Variants in NLRP2 observed in about 807,000 individuals in gnomAD.
NLRP2 encodes the protein NACHT, LRR and PYD domains-containing protein 2.
Under a neutral mutation model 97.2 loss-of-function variants are expected in NLRP2, and 107 were observed. That is an observed-to-expected ratio of 1.10 (90% CI 0.94 to 1.29). NLRP2 has a LOEUF of 1.29. Ranked by LOEUF, NLRP2 falls within the 50% of genes most tolerant of loss-of-function variation. The pLI, the probability that NLRP2 is intolerant of heterozygous loss-of-function variation, is 0.00. For synonymous variants in NLRP2, 663 were observed against 551.5 expected (o/e 1.20, Z -2.83); for missense variants, 1,495 against 1,330.3 (o/e 1.12, Z -1.93).
At chr19:54,993,784 G>A (rs918551686) in intron 10 of NLRP2, 6 of 256,592 alleles carry the variant, frequency 2.3e-5, no homozygotes, top group African/African-American at 8.9e-5. Context: ...CACAAGAATC[G>A]CGTGAAACCA....
intron 10 of NLRP2, chr19:54,993,216 C>CA (rs72154233): frequency 0.41 from 45,254 of 111,444 alleles, 8,306 homozygotes; most frequent in East Asian, 0.52. Flanking sequence ...GAGACTGTCT[C>CA]AAAAAAAAAA....
intron 2 of NLRP2, among the ~76,000 whole-genome samples, chr19:54,972,500 G>A (rs1024176117): frequency 2.0e-5 from 3 of 151,888 alleles, no homozygotes; most frequent in Admixed American, 6.6e-5. Flanking sequence ...TTTGAAACGG[G>A]GTCTCGTTTT....
chr19:54,980,483 C>T (rs532743110), intron 4 of NLRP2, among the ~76,000 whole-genome samples: 9 of 152,114 alleles, frequency 5.9e-5, no homozygotes, highest in East Asian at 1.9e-4. Flanking sequence ...CGTGAGCCAC[C>T]GCGCCCAGCC....
Position 54,982,282 on chromosome 19 carries a change from T to TC in NLRP2, c.585dup (p.Ser196GlnfsTer73), listed in dbSNP as rs747092813. On this transcript the variant is annotated frameshift_variant, in exon 6 of 13. Transcript: ENST00000448584. LOFTEE classifies it high-confidence loss of function. ...GAGAGATACAAGATGCTGATCCCAT[T>TC]CAGCAACCCCAGGGTGCTTCCCGGG... is the stretch of plus-strand genomic sequence containing the variant. 6.2e-7 allele frequency: 1 copy of TC among 1,614,048 alleles called. No individual in the cohort carries two copies. The highest frequency in any genetic ancestry group is 8.5e-7 in the Non-Finnish European group (1 of 1,179,974).
At chr19:54,988,787 G>T (rs1457818241) in intron 8 of NLRP2, among the ~76,000 whole-genome samples, 1 of 152,084 alleles carries the variant, frequency 6.6e-6, no homozygotes, top group Non-Finnish European at 1.5e-5. Context: ...CAAAGTCCTG[G>T]GATTACAGGC....
chr19:54,968,416 C>T (rs907069308), intron 1 of NLRP2, among the ~76,000 whole-genome samples: 4 of 152,004 alleles, frequency 2.6e-5, no homozygotes, highest in Non-Finnish European at 5.9e-5. Context: ...CCTTAACTTC[C>T]CTGGCTCAGG....
intron 10 of NLRP2, chr19:54,993,915 T>G: frequency 2.7e-6 from 1 of 366,562 alleles, no homozygotes. Context: ...CAGAGCATCT[T>G]CAAACGTTGC....
At chr19:54,983,868 T>TGA in intron 6 of NLRP2, 140 bp downstream of exon 6, 2 of 1,292,908 alleles carry the variant, frequency 1.5e-6, no homozygotes, top group Non-Finnish European at 1.1e-6. Flanking sequence ...GTTTTTGTTT[T>TGA]GAGATGGAGT....
At chr19:54,970,432 C>T in intron 2 of NLRP2, 137 bp downstream of exon 2, 1 of 940,894 alleles carries the variant, frequency 1.1e-6, no homozygotes, top group Non-Finnish European at 1.7e-6. Context: ...GGTTGGACCA[C>T]CTGAGGGTCA....
chr19:54,973,229 G>A (rs1200288931), intron 2 of NLRP2, among the ~76,000 whole-genome samples: 4 of 150,932 alleles, frequency 2.7e-5, no homozygotes, highest in East Asian at 3.9e-4. Flanking sequence ...ATTACACAAT[G>A]GAATACTCCT....
chr19:54,984,329 G>GTGTGTGTTTTTTTTTTTTTTT lies in NLRP2; in HGVS notation c.2030+602_2030+603insGTGTGTTTTTTTTTTTTTTTT. ...AACTTAAGTGGGGGTTTTTTTTTGT[G>GTGTGTGTTTTTTTTTTTTTTT]TTTTTTTTTTTTTTTTTTTTTTTGG... On this transcript the variant is annotated intron_variant, in intron 6 of 12. Coordinates refer to ENST00000448584, the MANE Select transcript of NLRP2 (RefSeq NM_017852.5). 8.0e-4 allele frequency among the ~76,000 whole-genome samples: 64 copies of GTGTGTGTTTTTTTTTTTTTTT among 79,670 alleles called. 5 individuals are homozygous for GTGTGTGTTTTTTTTTTTTTTT. The highest frequency in any genetic ancestry group is 2.5e-3 in the African/African-American group (55 of 21,636). The allele number at this position is 79,670 out of a possible 152,430, so 52.3% of individuals were successfully genotyped here. A position where few individuals can be genotyped will look rare whatever the true frequency, so the allele number is the denominator to read the frequency against.
At chr19:55,000,480 G>T (rs538286794) in intron 12 of NLRP2, among the ~76,000 whole-genome samples, 1 of 150,174 alleles carries the variant, frequency 6.7e-6, no homozygotes, top group African/African-American at 2.4e-5. Flanking sequence ...GGGTTTCACC[G>T]TGTTAGCCAG....
At chr19:54,975,407 C>A (rs985080051) in intron 3 of NLRP2, among the ~76,000 whole-genome samples, 4 of 145,500 alleles carry the variant, frequency 2.7e-5, no homozygotes, top group Non-Finnish European at 3.0e-5. Flanking sequence ...AGGTGTGAGC[C>A]ATGACACCTG....
Position 54,979,950 on chromosome 19 carries a change from G to T in NLRP2, c.398-1667G>T, listed in dbSNP as rs534463387. 2.6e-5 allele frequency among the ~76,000 whole-genome samples: 4 copies of T among 151,548 alleles called. No individual in the cohort carries two copies. The South Asian group carries it at 6.3e-4, about 24-fold the overall frequency. ...TGCCACCACGCCCAGCTAATTTTTTGTATTTTAGTAGAGACAGGGTTTCAC... is the reference window on the plus strand; with the variant it reads ...TGCCACCACGCCCAGCTAATTTTTTTTATTTTAGTAGAGACAGGGTTTCAC... On this transcript the variant is annotated intron_variant, in intron 4 of 12. Coordinates refer to ENST00000448584, the MANE Select transcript of NLRP2 (RefSeq NM_017852.5).
chr19:54,983,133 G>C lies in NLRP2; in HGVS notation c.1435G>C (p.Asp479His). 2 of 1,613,502 alleles carry C rather than the reference G, an allele frequency of 1.2e-6. No individual in the cohort carries two copies. Among genetic ancestry groups the C allele is most frequent in the Non-Finnish European group, 1.7e-6 (2 of 1,179,932 alleles). The stretch of plus-strand genomic sequence containing the variant: ...GGAAAGGCTCGGGGTGCAGGAGTCC[G>C]ACCTCCGTCTGTTCCTGGACGGAGA... ...DLERLGVQES[D>H]LRLFLDGDIL... The change falls in exon 6 of 13, where the codon GAC (aspartate) becomes CAC (histidine). Residue 479 changes from aspartate to histidine, a missense_variant. Coordinates refer to ENST00000448584, the MANE Select transcript of NLRP2 (RefSeq NM_017852.5).
chr19:54,996,149 GT>G (rs2072810829), intron 11 of NLRP2, among the ~76,000 whole-genome samples: 3 of 152,004 alleles, frequency 2.0e-5, no homozygotes, highest in African/African-American at 7.3e-5. Flanking sequence ...CAAGGCTGCA[GT>G]GAGCCAAGAT....
At chr19:54,998,559 A>T (rs1240897026) in intron 12 of NLRP2, among the ~76,000 whole-genome samples, 909 of 74,308 alleles carry the variant, frequency 0.012, 10 homozygotes, top group African/African-American at 0.045. Context: ...TTGTTTATTT[A>T]TTATTTATTT....
intron 3 of NLRP2, among the ~76,000 whole-genome samples, chr19:54,976,435 C>T (rs1184462183): frequency 1.3e-5 from 2 of 152,006 alleles, no homozygotes; most frequent in African/African-American, 2.4e-5. Flanking sequence ...CAGCCTCCGC[C>T]TCCCAGGTTC....
chr19:55,000,949 G>A lies in NLRP2; in HGVS notation c.*51G>A. On this transcript the variant is annotated 3_prime_UTR_variant, in exon 13 of 13. Coordinates refer to ENST00000448584, the MANE Select transcript of NLRP2 (RefSeq NM_017852.5). ...TGAAGTCATCGATTTTCCAGGTGTT[G>A]GTGAACTGCCTGTGACTCCTCTCCT... 1.3e-6 allele frequency: 2 copies of A among 1,571,996 alleles called. No individual in the cohort carries two copies. The highest frequency in any genetic ancestry group is 1.7e-6 in the Non-Finnish European group (2 of 1,143,810).
Sources: allele counts gnomAD v4.1 joint callset (sites outside exome capture counted in the v4.1 genomes callset), GRCh38; gene constraint gnomAD v4.1.1; transcripts MANE v1.5; gene names NCBI Gene and HGNC (gene_info 2026-07-23, HGNC 2026-07-21).